NTRK1: variants seen among roughly 807,000 people sequenced by gnomAD.
NTRK1 encodes neurotrophic receptor tyrosine kinase 1, also known as high affinity nerve growth factor receptor.
In NTRK1, 62 loss-of-function variants were observed where a neutral mutation model predicts 86.8. That is an observed-to-expected ratio of 0.71 (90% CI 0.58 to 0.88). The LOEUF (loss-of-function observed/expected upper bound fraction) is 0.88, where lower values mean the gene tolerates loss of function less well. Ranked by LOEUF, NTRK1 falls within the 40% of genes least tolerant of loss-of-function variation. NTRK1 has a pLI of 0.00. For missense variants in NTRK1, 967 were observed against 1,078.4 expected (o/e 0.90, Z 1.45); for synonymous variants, 469 against 456.6 (o/e 1.03, Z -0.35).
At chr1:156,860,345 G>A (rs140363466), upstream of NTRK1, among the ~76,000 whole-genome samples, 353 of 152,326 alleles carry the variant, frequency 2.3e-3, no homozygotes, top group African/African-American at 8.0e-3. Flanking sequence ...CCCTTTCTCT[G>A]CCCCGTCTGT....
Position 156,876,020 on chromosome 1 carries a change from C to G in NTRK1, c.1502-60C>G. 3 of 1,613,448 alleles carry G rather than the reference C, an allele frequency of 1.9e-6. No individual in the cohort carries two copies. The South Asian group carries it at 3.3e-5, about 18-fold the overall frequency. On this transcript the variant is annotated intron_variant, in intron 12 of 16. Transcript: ENST00000524377. ...CACACAGCCCTGCCAAGACAGTCCCCGCTACAACCCCAGCCCTCCCAAGAC... is the reference window on the plus strand; with the variant it reads ...CACACAGCCCTGCCAAGACAGTCCCGGCTACAACCCCAGCCCTCCCAAGAC...
rs182276489 is a variant in NTRK1 at position 156,855,755 on chromosome 1, G to A, written c.51-8599G>A. On this transcript the variant is annotated intron_variant, in intron 2 of 16. Coordinates refer to the NTRK1 transcript ENST00000392302. ...TGGGAGGATCGCTTGAGCCCAGAAG[G>A]TCAAGGCTGCAGTGAGCCGTGATCA... Among the ~76,000 whole-genome samples the A allele has an allele frequency of 1.2e-4, 18 of 152,176 alleles. 1 individual carries two copies. Among genetic ancestry groups the A allele is most frequent in the African/African-American group, 4.3e-4 (18 of 41,516 alleles).
chr1:156,841,117 G>C (rs1160858750), intron 1 of NTRK1: 1 of 1,550,586 alleles, frequency 6.4e-7, no homozygotes. Flanking sequence ...GGTGGGTGTG[G>C]GGAGCAGGGT....
chr1:156,849,593 C>T, intron 2 of NTRK1: 1 of 662,136 alleles, frequency 1.5e-6, no homozygotes, highest in South Asian at 1.8e-5. Context: ...TGGCTCACAC[C>T]AGCACACCGG....
chr1:156,854,337 A>G lies in NTRK1; in HGVS notation c.51-10017A>G, dbSNP rs1655338322. ...ATACACGGCACGCAGCATTGAGTAC[A>G]GCCCAGGCCAAATTCCCCATCCAGC... On this transcript the variant is annotated intron_variant, in intron 2 of 16. Transcript: ENST00000392302. The surrounding 1 kb of genome is among the most constrained non-coding windows in gnomAD (Gnocchi z 4.2). 2.6e-6 allele frequency: 4 copies of G among 1,556,250 alleles called. No homozygotes were observed. The highest frequency in any genetic ancestry group is 3.5e-6 in the Non-Finnish European group (4 of 1,150,580).
At chr1:156,875,225 G>A (rs558843274) in intron 11 of NTRK1, among the ~76,000 whole-genome samples, 1 of 151,976 alleles carries the variant, frequency 6.6e-6, no homozygotes, top group Admixed American at 6.5e-5. Flanking sequence ...TTTCAGAGGC[G>A]GCAGCTGCTA....
chr1:156,845,163 G>A lies in NTRK1; in HGVS notation c.50+2970G>A. 1.9e-6 allele frequency: 3 copies of A among 1,611,292 alleles called. No homozygotes were observed. Among genetic ancestry groups the A allele is most frequent in the Non-Finnish European group, 2.5e-6 (3 of 1,179,090 alleles). On this transcript the variant is annotated intron_variant, in intron 2 of 16. Transcript: ENST00000392302. The stretch of plus-strand genomic sequence containing the variant: ...TGGTTGCAGGCATGGATGTCGATCC[G>A]GTATTCCGTGAAGTGGCGCAGGCCG...
At chr1:156,869,520 C>T (rs567818983) in intron 6 of NTRK1, among the ~76,000 whole-genome samples, 15 of 152,038 alleles carry the variant, frequency 9.9e-5, no homozygotes, top group South Asian at 8.3e-4. Flanking sequence ...ATGTGATGAA[C>T]GTATTAGTAA....
At position 156,874,358 on chromosome 1, in the gene NTRK1, C is replaced by T. The variant is rs746931295; in HGVS notation, c.1178-25C>T. ...CTGCTTTCTCTCCTCCCTCTGACTGCTTTCTCTCCTCCCTCCTGCTGCAGT... is the reference window on the plus strand; with the variant it reads ...CTGCTTTCTCTCCTCCCTCTGACTGTTTTCTCTCCTCCCTCCTGCTGCAGT... On this transcript the variant is annotated intron_variant, in intron 8 of 16. Coordinates refer to ENST00000524377, the MANE Select transcript of NTRK1 (RefSeq NM_002529.4). 2.9e-5 allele frequency: 46 copies of T among 1,613,962 alleles called. No individual in the cohort carries two copies. The Middle Eastern group carries it at 1.3e-3, about 46-fold the overall frequency.
intron 7 of NTRK1, among the ~76,000 whole-genome samples, chr1:156,872,433 G>A (rs1245821788): frequency 1.3e-5 from 2 of 151,924 alleles, no homozygotes; most frequent in African/African-American, 4.8e-5. Context: ...GCCTGTTCTT[G>A]TACATTATAT....
At chr1:156,829,703 A>C (rs1654416178) in intron 1 of NTRK1, among the ~76,000 whole-genome samples, 1 of 151,950 alleles carries the variant, frequency 6.6e-6, no homozygotes, top group Non-Finnish European at 1.5e-5. Flanking sequence ...CCCAGGCTGG[A>C]GTGCAGTGGC....
intron 2 of NTRK1, chr1:156,845,858 C>A (rs748716870): frequency 2.5e-5 from 40 of 1,602,418 alleles, no homozygotes; most frequent in Admixed American, 2.4e-4. Flanking sequence ...GGCGGTCTAC[C>A]CGCCTCTGAT....
At chr1:156,851,198 T>C in intron 2 of NTRK1, 1 of 1,460,604 alleles carries the variant, frequency 6.8e-7, no homozygotes, top group Non-Finnish European at 9.6e-7. Context: ...AGTAGCAAAA[T>C]TGGTTCCAGA....
intron 2 of NTRK1, among the ~76,000 whole-genome samples, chr1:156,846,915 G>A (rs542120709): frequency 2.0e-5 from 3 of 152,278 alleles, no homozygotes; most frequent in South Asian, 2.1e-4. Flanking sequence ...AAGGGGGGGC[G>A]GAGGAGGGGA....
At chr1:156,827,215 G>T (rs568941198) in intron 1 of NTRK1, among the ~76,000 whole-genome samples, 1 of 151,278 alleles carries the variant, frequency 6.6e-6, no homozygotes. Context: ...CCAAATAGCC[G>T]GGACCACAGG....
chr1:156,843,079 C>G lies in NTRK1; in HGVS notation c.50+886C>G. 8 of 1,614,186 alleles carry G rather than the reference C, an allele frequency of 5.0e-6. No individual in the cohort carries two copies. The South Asian group carries it at 6.6e-5, about 13-fold the overall frequency. On this transcript the variant is annotated intron_variant, in intron 2 of 16. Transcript: ENST00000392302. The stretch of plus-strand genomic sequence containing the variant: ...CAATGCATTCCCGTGGGCTGGCCAG[C>G]TCATTCACCGTCTTCAGGGCCACGG...
rs534972681 is a variant in NTRK1, at chr1:156,873,883, C to T, written c.1101C>T (p.Phe367=). The change falls in exon 8 of 17, where the codon TTC becomes TTT. Residue 367 remains phenylalanine, a synonymous_variant. Transcript: ENST00000524377. ...ACACGCTGCTGGCTGCCAACCCCTT[C>T]GGCCAGGCCTCCGCCTCCATCATGG... ...GNYTLLAANP[F]GQASASIMAA... The T allele has an allele frequency of 5.0e-5, 80 of 1,589,204 alleles. No individual in the cohort carries two copies. The highest frequency in any genetic ancestry group is 4.2e-4 in the Admixed American group (24 of 56,830).
Position 156,842,517 on chromosome 1 carries a change from G to A in NTRK1, c.50+324G>A, listed in dbSNP as rs773937738. On this transcript the variant is annotated intron_variant, in intron 2 of 16. Transcript: ENST00000392302. Reference sequence around the variant, plus strand: ...ACACCCAGGAGACGCACCTGGGACAGACAAAGGGCCTAGCAGACCCCCTAG... The same window carrying A: ...ACACCCAGGAGACGCACCTGGGACAAACAAAGGGCCTAGCAGACCCCCTAG... 8.1e-6 allele frequency: 13 copies of A among 1,608,928 alleles called. No homozygotes were observed. The African/African-American group carries it at 1.2e-4, about 15-fold the overall frequency.
chr1:156,871,213 G>C (rs1171327630), intron 6 of NTRK1, among the ~76,000 whole-genome samples: 3 of 152,108 alleles, frequency 2.0e-5, no homozygotes, highest in Admixed American at 2.0e-4. Flanking sequence ...GATATTTTGT[G>C]CCTATTTTGA....
Sources: allele counts gnomAD v4.1 joint callset (sites outside exome capture counted in the v4.1 genomes callset), GRCh38; gene constraint gnomAD v4.1.1; non-coding constraint Gnocchi (gnomAD v3.1); transcripts MANE v1.5; gene names NCBI Gene and HGNC (gene_info 2026-07-23, HGNC 2026-07-21).